DUSP5: variants seen among roughly 807,000 people sequenced by gnomAD.
DUSP5 encodes dual specificity phosphatase 5.
Under a neutral mutation model 33.6 loss-of-function variants are expected in DUSP5, and 22 were observed. The observed-to-expected ratio is 0.66, with a 90% CI of 0.47 to 0.94. The LOEUF is 0.94. Ranked by LOEUF, DUSP5 falls within the 40% of genes least tolerant of loss-of-function variation. DUSP5 has a pLI of 0.00. For missense variants in DUSP5, 551 were observed against 522.1 expected (o/e 1.06, Z -0.54); for synonymous variants, 270 against 231.1 (o/e 1.17, Z -1.53).
intron 1 of DUSP5, among the ~76,000 whole-genome samples, chr10:110,501,025 G>A (rs1860040820): frequency 6.6e-6 from 1 of 152,170 alleles, no homozygotes; most frequent in Admixed American, 6.5e-5. Context: ...CCCAACCTTC[G>A]TCCTGAAGTT....
At position 110,510,868 on chromosome 10, in the gene DUSP5, GTC is replaced by G. The variant is rs1287558733; in HGVS notation, c.*446_*447del. ...TTGAACTTTGGCAGTTTCAATGTCT[GTC>G]TCTGTTGCTTCGGGGCATAAGCTGA... On this transcript the variant is annotated 3_prime_UTR_variant, in exon 4 of 4. Transcript: ENST00000369583. 1 of 161,478 alleles carries G rather than the reference GTC, an allele frequency of 6.2e-6. No homozygotes were observed. Among genetic ancestry groups the G allele is most frequent in the African/African-American group, 2.4e-5 (1 of 41,624 alleles). The allele number at this position is 161,478 out of a possible 1,614,324, so 10.0% of individuals were successfully genotyped here. A position where few individuals can be genotyped will look rare whatever the true frequency, so the allele number is the denominator to read the frequency against.
In DUSP5 at chr10:110,498,130, C is replaced by T. The variant is rs1294967883; in HGVS notation, c.9C>T (p.Val3=). The T allele has an allele frequency of 1.3e-5, 19 of 1,432,706 alleles. No homozygotes were observed. The highest frequency in any genetic ancestry group is 1.6e-5 in the Non-Finnish European group (17 of 1,086,788). The allele number at this position is 1,432,706 out of a possible 1,614,324, so 88.7% of individuals were successfully genotyped here. ...CCGGCGGCGGCGGCGGCATGAAGGTCACGTCGCTCGACGGGCGCCAGCTGC... is the reference window on the plus strand; with the variant it reads ...CCGGCGGCGGCGGCGGCATGAAGGTTACGTCGCTCGACGGGCGCCAGCTGC... MK[V]TSLDGRQLRK... Residue 3 remains valine (V), a synonymous_variant, in exon 1 of 4, where the codon GTC becomes GTT. Transcript: ENST00000369583.
At chr10:110,509,528 T>C (rs1355244388) in intron 3 of DUSP5, among the ~76,000 whole-genome samples, 1 of 152,198 alleles carries the variant, frequency 6.6e-6, no homozygotes. Flanking sequence ...ACCCTTAGAA[T>C]CAGACCTGGA....
At chr10:110,499,244 C>G (rs1468492835) in intron 1 of DUSP5, among the ~76,000 whole-genome samples, 1 of 152,150 alleles carries the variant, frequency 6.6e-6, no homozygotes, top group African/African-American at 2.4e-5. Context: ...GATTTGACAC[C>G]TCCCGGAGCT....
At chr10:110,500,019 C>G (rs1227683722) in intron 1 of DUSP5, among the ~76,000 whole-genome samples, 2 of 152,172 alleles carry the variant, frequency 1.3e-5, no homozygotes, top group African/African-American at 2.4e-5. Context: ...AACATATACA[C>G]AGGTAAAAAT....
At chr10:110,504,523 C>T (rs1264225072) in intron 2 of DUSP5, among the ~76,000 whole-genome samples, 1 of 152,216 alleles carries the variant, frequency 6.6e-6, no homozygotes, top group African/African-American at 2.4e-5. Context: ...AGTCAACCAT[C>T]CAGCCTGCTC....
rs777773018 is a variant in DUSP5, at chr10:110,498,136, G to A, written c.15G>A (p.Ser5=). 3 of 1,442,030 alleles carry A rather than the reference G, an allele frequency of 2.1e-6. No homozygotes were observed. Among genetic ancestry groups the A allele is most frequent in the East Asian group, 3.2e-5 (1 of 31,652 alleles). The allele number at this position is 1,442,030 out of a possible 1,614,324, so 89.3% of individuals were successfully genotyped here. The change falls in exon 1 of 4, where the codon TCG becomes TCA. Residue 5 remains serine, a synonymous_variant. Coordinates refer to ENST00000369583, the MANE Select transcript of DUSP5 (RefSeq NM_004419.4). ...GCGGCGGCGGCATGAAGGTCACGTCGCTCGACGGGCGCCAGCTGCGCAAGA... is the reference window on the plus strand; with the variant it reads ...GCGGCGGCGGCATGAAGGTCACGTCACTCGACGGGCGCCAGCTGCGCAAGA... MKVT[S]LDGRQLRKML... is the part of the protein sequence containing the mutation.
chr10:110,501,727 G>T (rs1860050544), intron 1 of DUSP5, among the ~76,000 whole-genome samples: 1 of 152,150 alleles, frequency 6.6e-6, no homozygotes, highest in South Asian at 2.1e-4. Context: ...ACCAGCAAAG[G>T]AGTTTCCCAA....
At chr10:110,507,281 A>G in intron 3 of DUSP5, 127 bp downstream of exon 3, 1 of 957,576 alleles carries the variant, frequency 1.0e-6, no homozygotes, top group Non-Finnish European at 1.5e-6. Flanking sequence ...CGCTGCTGAG[A>G]GTTGGAGCCA....
In DUSP5 at chr10:110,506,978, C is replaced by T. The variant is rs763888689; in HGVS notation, c.572C>T (p.Ala191Val). ...EILPFLYLGS[A>V]YHASKCEFLA... ...CTTCCCTTCCTCTACCTTGGAAGTGCCTACCATGCATCCAAGTGCGAGTTC... is the reference window on the plus strand; with the variant it reads ...CTTCCCTTCCTCTACCTTGGAAGTGTCTACCATGCATCCAAGTGCGAGTTC... Residue 191 changes from alanine to valine, a missense_variant, in exon 3 of 4, where the codon GCC becomes GTC. Transcript: ENST00000369583. The T allele has an allele frequency of 1.9e-6, 3 of 1,614,282 alleles. No homozygotes were observed. In the Admixed American group the frequency reaches 5.0e-5, roughly 27 times the overall value.
At position 110,507,148 on chromosome 10, in the gene DUSP5, T is replaced by C. The variant is rs1359697230; in HGVS notation, c.742T>C (p.Phe248Leu). Residue 248 changes from phenylalanine (F) to leucine (L), a missense_variant, in exon 3 of 4, where the codon TTC becomes CTC. Coordinates refer to ENST00000369583, the MANE Select transcript of DUSP5 (RefSeq NM_004419.4). Reference protein sequence around the residue: ...ISSHFQEAIDFIDCVREKGGK... With the variant: ...ISSHFQEAIDLIDCVREKGGK... Reference sequence around the variant, plus strand: ...CTCCCACTTTCAAGAAGCAATAGACTTCATTGGTAGGTTTAGCCATTCCCC... The same window carrying C: ...CTCCCACTTTCAAGAAGCAATAGACCTCATTGGTAGGTTTAGCCATTCCCC... 1.2e-6 allele frequency: 2 copies of C among 1,613,066 alleles called. No homozygotes were observed. The highest frequency in any genetic ancestry group is 1.7e-6 in the Non-Finnish European group (2 of 1,179,964).
At chr10:110,498,592 G>GAGAGTCACC in intron 1 of DUSP5, 92 bp downstream of exon 1, 3 of 1,324,170 alleles carry the variant, frequency 2.3e-6, no homozygotes, top group Non-Finnish European at 2.9e-6. Context: ...CTGGGACCGG[G>GAGAGTCACC]AGAGTCACCA....
At position 110,510,533 on chromosome 10, in the gene DUSP5, T is replaced by G. The variant is rs1860178914; in HGVS notation, c.*107T>G. 2.2e-6 allele frequency: 3 copies of G among 1,370,842 alleles called. No individual in the cohort carries two copies. The highest frequency in any genetic ancestry group is 2.9e-6 in the Non-Finnish European group (3 of 1,038,248). The allele number at this position is 1,370,842 out of a possible 1,614,324, so 84.9% of individuals were successfully genotyped here. ...CAATACTGAAGACCTCATTCTGTCA[T>G]GCTGCCCCAGTGAGATAGTGAGTGG... On this transcript the variant is annotated 3_prime_UTR_variant, in exon 4 of 4. Transcript: ENST00000369583.
chr10:110,505,158 T>C (rs1357687810), intron 2 of DUSP5, among the ~76,000 whole-genome samples: 1 of 152,264 alleles, frequency 6.6e-6, no homozygotes, highest in African/African-American at 2.4e-5. Flanking sequence ...AAATACTTAC[T>C]TTCTCATATT....
chr10:110,507,225 C>A, intron 3 of DUSP5, 71 bp downstream of exon 3: 1 of 1,468,170 alleles, frequency 6.8e-7, no homozygotes, highest in Non-Finnish European at 9.3e-7. Context: ...CTTTTGATGC[C>A]CTGATGGAAG....
At chr10:110,506,798 C>G in intron 2 of DUSP5, 137 bp from the exon 3 acceptor site, 2 of 911,486 alleles carry the variant, frequency 2.2e-6, no homozygotes, top group Admixed American at 2.0e-5. Flanking sequence ...TTGAACTGCC[C>G]TGGCTCTGAA....
chr10:110,502,278 T>G (rs1564772979), intron 1 of DUSP5, among the ~76,000 whole-genome samples: 1 of 152,188 alleles, frequency 6.6e-6, no homozygotes, highest in Non-Finnish European at 1.5e-5. Context: ...AGGTTCCAGC[T>G]AGAATCCTGC....
At chr10:110,498,599 A>G in intron 1 of DUSP5, 99 bp downstream of exon 1, 1 of 1,320,052 alleles carries the variant, frequency 7.6e-7, no homozygotes, top group Non-Finnish European at 9.7e-7. Context: ...CGGGAGAGTC[A>G]CCACCTGCAG....
Position 110,507,156 on chromosome 10 carries a change from T to G in DUSP5, c.748+2T>G, listed in dbSNP as rs757426811. 6.2e-7 allele frequency: 1 copy of G among 1,612,452 alleles called. No individual in the cohort carries two copies. ...TTCAAGAAGCAATAGACTTCATTGGTAGGTTTAGCCATTCCCCTTCAGTTA... is the reference window on the plus strand; with the variant it reads ...TTCAAGAAGCAATAGACTTCATTGGGAGGTTTAGCCATTCCCCTTCAGTTA... On this transcript the variant is annotated splice_donor_variant, in intron 3 of 3. Transcript: ENST00000369583. LOFTEE classifies it high-confidence loss of function.
Sources: allele counts gnomAD v4.1 joint callset (sites outside exome capture counted in the v4.1 genomes callset), GRCh38; gene constraint gnomAD v4.1.1; transcripts MANE v1.5; gene names NCBI Gene and HGNC (gene_info 2026-07-23, HGNC 2026-07-21).